The following ACER3 variants were observed in gnomAD, a reference collection of about 807,000 sequenced individuals.
The protein encoded by ACER3 is alkCDase 3.
In ACER3, 16 loss-of-function variants were observed where a neutral mutation model predicts 48.9. That is an observed-to-expected ratio of 0.33 (90% CI 0.22 to 0.50). The LOEUF is 0.50. Among genes scored for constraint, ACER3 ranks in the 20% least tolerant of loss-of-function variants. ACER3 has a pLI of 0.98. For synonymous variants in ACER3, 109 were observed against 107.8 expected (o/e 1.01, Z -0.07); for missense variants, 227 against 326.0 (o/e 0.70, Z 2.34).
chr11:77,000,152 T>C (rs1343915865), intron 7 of ACER3, among the ~76,000 whole-genome samples: 4 of 152,218 alleles, frequency 2.6e-5, no homozygotes, highest in Admixed American at 2.6e-4. Flanking sequence ...AAGTTTTTTA[T>C]AATTTGCATT....
At chr11:77,008,265 GCCC>G (rs1949194821) in intron 7 of ACER3, among the ~76,000 whole-genome samples, 3 of 152,118 alleles carry the variant, frequency 2.0e-5, no homozygotes, top group Non-Finnish European at 4.4e-5. Context: ...CTTCCCAGAA[GCCC>G]AAGTCCCAGT....
rs535779739 is a variant in ACER3 at position 76,963,721 on chromosome 11, C to T, written c.267+4690C>T. Among the ~76,000 whole-genome samples the T allele has an allele frequency of 1.5e-4, 23 of 151,540 alleles. 1 individual carries two copies. The highest frequency in any genetic ancestry group is 5.1e-4 in the African/African-American group (21 of 40,822). ...TCTCCACCCTGTATTATTCCTATCTCAGGACAATAGAGTCTCAAGAGGTCC... is the reference window on the plus strand; with the variant it reads ...TCTCCACCCTGTATTATTCCTATCTTAGGACAATAGAGTCTCAAGAGGTCC... On this transcript the variant is annotated intron_variant, in intron 3 of 10. Coordinates refer to ENST00000532485, the MANE Select transcript of ACER3 (RefSeq NM_018367.7).
chr11:76,882,252 G>A (rs931113564), intron 1 of ACER3, among the ~76,000 whole-genome samples: 5 of 73,954 alleles, frequency 6.8e-5, no homozygotes, highest in East Asian at 3.2e-4. Flanking sequence ...TAATCTGCCC[G>A]CGTCAACTGC....
chr11:76,868,007 A>G (rs1448600357), intron 1 of ACER3: 31 of 850,762 alleles, frequency 3.6e-5, no homozygotes, highest in Non-Finnish European at 4.6e-5. Context: ...TTGCTGCTGC[A>G]GCACAAGACA....
At chr11:76,893,174 T>C (rs1945849999) in intron 1 of ACER3, among the ~76,000 whole-genome samples, 1 of 152,078 alleles carries the variant, frequency 6.6e-6, no homozygotes, top group Admixed American at 6.6e-5. Flanking sequence ...TGGAAAGACA[T>C]CCCACGCTCA....
At chr11:76,917,743 C>T (rs974996069) in intron 1 of ACER3, among the ~76,000 whole-genome samples, 8 of 151,306 alleles carry the variant, frequency 5.3e-5, no homozygotes, top group Non-Finnish European at 1.2e-4. Flanking sequence ...TGCCTTTAGT[C>T]CCAGCTACAC....
chr11:77,024,365 T>C lies in ACER3; in HGVS notation c.*4038T>C, dbSNP rs951148695. ...TTGCTACATGGGGGAGCTGCTGGTG[T>C]TGTTGAGGTCCTTGGGAGCATTCCA... is the stretch of plus-strand genomic sequence containing the variant. On this transcript the variant is annotated 3_prime_UTR_variant, in exon 11 of 11. Transcript: ENST00000532485. 6.6e-6 allele frequency: 1 copy of C among 151,278 alleles called. No individual in the cohort carries two copies. Among genetic ancestry groups the C allele is most frequent in the African/African-American group, 2.4e-5 (1 of 41,286 alleles). 9.4% of individuals were successfully genotyped at this position (151,278 alleles called of 1,614,324 possible).
At chr11:77,015,328 G>A in intron 8 of ACER3, 1 of 422,236 alleles carries the variant, frequency 2.4e-6, no homozygotes, top group Non-Finnish European at 4.2e-6. Flanking sequence ...CATAACCTCT[G>A]TAGGGTTTGG....
At chr11:76,957,550 C>A (rs958289081) in intron 2 of ACER3, 1 of 415,616 alleles carries the variant, frequency 2.4e-6, no homozygotes, top group South Asian at 1.7e-5. Context: ...TTTACGCGAT[C>A]CTTCTGCCTC....
intron 10 of ACER3, 121 bp downstream of exon 10, chr11:77,019,897 C>A: frequency 2.0e-6 from 2 of 1,005,880 alleles, no homozygotes; most frequent in Non-Finnish European, 3.1e-6. Context: ...GCTTTGGAAC[C>A]AAAGGCTGTG....
chr11:76,951,849 A>G (rs972721600), intron 2 of ACER3, among the ~76,000 whole-genome samples: 4 of 152,196 alleles, frequency 2.6e-5, no homozygotes, highest in African/African-American at 7.2e-5. Flanking sequence ...CCTTTAAAAT[A>G]CATGTACCAG....
intron 1 of ACER3, among the ~76,000 whole-genome samples, chr11:76,893,315 A>G (rs188986431): frequency 1.9e-4 from 29 of 152,274 alleles, no homozygotes; most frequent in African/African-American, 7.0e-4. Context: ...GGCTGCAGGG[A>G]GCTATGATCA....
At chr11:76,866,262 C>A (rs1186876116) in intron 1 of ACER3, among the ~76,000 whole-genome samples, 1 of 152,124 alleles carries the variant, frequency 6.6e-6, no homozygotes, top group Non-Finnish European at 1.5e-5. Flanking sequence ...TCTCTGCTAC[C>A]CTTACATCAT....
At chr11:76,962,216 AT>A (rs10646198) in intron 3 of ACER3, among the ~76,000 whole-genome samples, 5 of 105,112 alleles carry the variant, frequency 4.8e-5, no homozygotes, top group Admixed American at 1.1e-4. Context: ...TGCCCAGCTA[AT>A]TTTTTTTTTT....
chr11:76,962,263 G>A (rs1262976631), intron 3 of ACER3, among the ~76,000 whole-genome samples: 3 of 128,696 alleles, frequency 2.3e-5, no homozygotes, highest in Non-Finnish European at 4.6e-5. Flanking sequence ...GTCGCCCAGA[G>A]TGACACTGGA....
chr11:76,911,156 T>C (rs192900079), intron 1 of ACER3, among the ~76,000 whole-genome samples: 1 of 152,264 alleles, frequency 6.6e-6, no homozygotes, highest in Non-Finnish European at 1.5e-5. Context: ...AAAGAATGGC[T>C]TCTCCAAGGG....
At chr11:77,007,949 AAAAT>A (rs1395598923) in intron 7 of ACER3, among the ~76,000 whole-genome samples, 3 of 152,226 alleles carry the variant, frequency 2.0e-5, no homozygotes, top group African/African-American at 4.8e-5. Context: ...TCACCACAAA[AAAAT>A]AAGTGATGGG....
intron 1 of ACER3, among the ~76,000 whole-genome samples, chr11:76,918,618 C>A (rs1326622557): frequency 3.9e-5 from 6 of 151,908 alleles, no homozygotes; most frequent in Non-Finnish European, 7.4e-5. Context: ...ATTCTTAACA[C>A]AGCAAGATTG....
At chr11:76,956,234 G>A (rs1947835586) in intron 2 of ACER3, among the ~76,000 whole-genome samples, 1 of 152,092 alleles carries the variant, frequency 6.6e-6, no homozygotes, top group South Asian at 2.1e-4. Context: ...AAAACTTGGT[G>A]GTTTGCTTTA....
Sources: gnomAD v4.1 joint callset for allele counts (sites outside exome capture counted in the v4.1 genomes callset) on GRCh38, gnomAD v4.1.1 for gene constraint, MANE v1.5 for transcripts, NCBI Gene and HGNC (gene_info 2026-07-23, HGNC 2026-07-21) for gene names.